The following HTR2A variants were observed in gnomAD, a reference collection of about 807,000 sequenced individuals.
HTR2A encodes the protein 5-hydroxytryptamine receptor 2A, also known as 5-HT2 receptor.
HTR2A carries 14 observed loss-of-function variants against 31.0 expected under a neutral mutation model. The observed-to-expected ratio is 0.45, with a 90% CI of 0.30 to 0.71. The LOEUF (loss-of-function observed/expected upper bound fraction) is 0.71. Among genes scored for constraint, HTR2A ranks in the 30% least tolerant of loss-of-function variants. The probability of loss-of-function intolerance (pLI) is 0.09; values close to 1 mark genes in which losing one functional copy is unlikely to be tolerated. For synonymous variants in HTR2A, 209 were observed against 225.2 expected (o/e 0.93, Z 0.64); for missense variants, 442 against 573.3 (o/e 0.77, Z 2.34).
chr13:46,875,653 C>T (rs1950902831), intron 3 of HTR2A, among the ~76,000 whole-genome samples: 1 of 152,014 alleles, frequency 6.6e-6, no homozygotes, highest in Non-Finnish European at 1.5e-5. Flanking sequence ...AAAATGCTGC[C>T]TTATGAAATG....
chr13:46,854,899 GT>G (rs1950720191), intron 3 of HTR2A, among the ~76,000 whole-genome samples: 1 of 152,184 alleles, frequency 6.6e-6, no homozygotes, highest in African/African-American at 2.4e-5. Context: ...TCAAGTTAAG[GT>G]TAAGTAAGGT....
At chr13:46,890,924 T>C (rs1447724986) in intron 3 of HTR2A, among the ~76,000 whole-genome samples, 3 of 152,188 alleles carry the variant, frequency 2.0e-5, no homozygotes, top group Non-Finnish European at 4.4e-5. Flanking sequence ...GGGCATTTTA[T>C]GTGTAATTGG....
rs550018005 is a variant in HTR2A, at chr13:46,866,334, C to G, written c.613+26056G>C. On this transcript the variant is annotated intron_variant, in intron 3 of 3. Transcript: ENST00000542664. ...CTCAGCCTGGCCTCGTGGTTCCTCC[C>G]TTCTCTGCCTGCTTCCTGTCCTAGG... Among the ~76,000 whole-genome samples the G allele has an allele frequency of 1.2e-3, 186 of 152,204 alleles. 1 individual carries two copies. The highest frequency in any genetic ancestry group is 4.4e-3 in the African/African-American group (182 of 41,532).
intron 3 of HTR2A, among the ~76,000 whole-genome samples, chr13:46,867,816 G>A (rs1950830038): frequency 6.6e-6 from 1 of 152,208 alleles, no homozygotes; most frequent in Non-Finnish European, 1.5e-5. Flanking sequence ...TGATCCAAGA[G>A]TCTCATGTCT....
At chr13:46,894,170 A>AG (rs1951080050) in intron 2 of HTR2A, among the ~76,000 whole-genome samples, 1 of 151,924 alleles carries the variant, frequency 6.6e-6, no homozygotes, top group Non-Finnish European at 1.5e-5. Flanking sequence ...GGGCTGGGGG[A>AG]GGCTGGAGGA....
At chr13:46,862,702 G>A (rs1430263003) in intron 3 of HTR2A, among the ~76,000 whole-genome samples, 2 of 152,188 alleles carry the variant, frequency 1.3e-5, no homozygotes, top group African/African-American at 4.8e-5. Flanking sequence ...AACTCTAGAA[G>A]TGCCCTCTAG....
intron 3 of HTR2A, among the ~76,000 whole-genome samples, chr13:46,861,441 C>T (rs1045839618): frequency 4.6e-5 from 7 of 152,162 alleles, no homozygotes; most frequent in Admixed American, 2.0e-4. Context: ...AACCCAATTT[C>T]GTTTGAGTGG....
chr13:46,856,606 A>T (rs1361095448), intron 3 of HTR2A, among the ~76,000 whole-genome samples: 1 of 151,954 alleles, frequency 6.6e-6, no homozygotes, highest in Non-Finnish European at 1.5e-5. Context: ...AAAAAAAAAA[A>T]TACAAAAAAA....
At chr13:46,848,428 T>C (rs548896748) in intron 3 of HTR2A, among the ~76,000 whole-genome samples, 48 of 152,334 alleles carry the variant, frequency 3.2e-4, no homozygotes, top group African/African-American at 1.1e-3. Context: ...CAGCTTTCTT[T>C]CACAGTTAAT....
intron 3 of HTR2A, among the ~76,000 whole-genome samples, chr13:46,842,965 G>A (rs1020474755): frequency 3.9e-5 from 6 of 152,246 alleles, no homozygotes; most frequent in African/African-American, 7.2e-5. Context: ...TAAACAATTC[G>A]TAAGTTTTAC....
At chr13:46,860,425 T>C (rs1366713684) in intron 3 of HTR2A, among the ~76,000 whole-genome samples, 1 of 152,104 alleles carries the variant, frequency 6.6e-6, no homozygotes, top group East Asian at 1.9e-4. Context: ...TGTGAACGTG[T>C]TTGTGTCAGG....
Position 46,895,773 on chromosome 13 carries a change from C to T in HTR2A, c.134G>A (p.Trp45Ter). The change falls in exon 2 of 4, where the codon TGG (tryptophan) becomes TAG (stop). Residue 45 changes from tryptophan (W) to a stop codon, truncating the protein, a stop_gained. Coordinates refer to ENST00000542664, the MANE Select transcript of HTR2A (RefSeq NM_000621.5). LOFTEE classifies it high-confidence loss of function. The surrounding 1 kb of genome is among the most constrained non-coding windows in gnomAD (Gnocchi z 4.4). The stretch of plus-strand genomic sequence containing the variant: ...GGTTCGATTTTCAGAGTCGACTGTC[C>T]AGTTAAATGCATCAGAAGTGTTAGC... ...GEANTSDAFNWTVDSENRTNL... is the reference protein window; with the variant it reads ...GEANTSDAFN 6.2e-7 allele frequency: 1 copy of T among 1,614,172 alleles called. No homozygotes were observed. Among genetic ancestry groups the T allele is most frequent in the Non-Finnish European group, 8.5e-7 (1 of 1,180,038 alleles).
intron 3 of HTR2A, among the ~76,000 whole-genome samples, chr13:46,840,284 A>G (rs537750329): frequency 1.4e-4 from 22 of 152,276 alleles, no homozygotes; most frequent in Admixed American, 7.2e-4. Context: ...GGGACTCACT[A>G]TCCTGATACA....
chr13:46,873,414 C>A (rs1289775068), intron 3 of HTR2A, among the ~76,000 whole-genome samples: 3 of 143,354 alleles, frequency 2.1e-5, no homozygotes, highest in Admixed American at 1.4e-4. Flanking sequence ...ACATTCCCAA[C>A]TGTAATATAA....
chr13:46,872,631 A>G (rs1421756707), intron 3 of HTR2A, among the ~76,000 whole-genome samples: 1 of 152,248 alleles, frequency 6.6e-6, no homozygotes, highest in Non-Finnish European at 1.5e-5. Flanking sequence ...GTGTACGTGC[A>G]AAAAGGACAC....
chr13:46,870,188 A>G (rs1466291801), intron 3 of HTR2A, among the ~76,000 whole-genome samples: 3 of 152,192 alleles, frequency 2.0e-5, no homozygotes, highest in African/African-American at 4.8e-5. Context: ...AAGTAAACAT[A>G]CCTGAGATAA....
At chr13:46,857,478 G>A (rs923808530) in intron 3 of HTR2A, among the ~76,000 whole-genome samples, 27 of 152,028 alleles carry the variant, frequency 1.8e-4, no homozygotes, top group African/African-American at 6.0e-4. Flanking sequence ...TTTGATAAGG[G>A]CTCTAATCTC....
chr13:46,875,441 C>T (rs925755961), intron 3 of HTR2A, among the ~76,000 whole-genome samples: 2 of 152,162 alleles, frequency 1.3e-5, no homozygotes, highest in Non-Finnish European at 2.9e-5. Context: ...TTCATCTTTA[C>T]ATCTCACCAT....
At chr13:46,886,760 C>A (rs1951009530) in intron 3 of HTR2A, among the ~76,000 whole-genome samples, 1 of 152,102 alleles carries the variant, frequency 6.6e-6, no homozygotes, top group African/African-American at 2.4e-5. Flanking sequence ...TATGAGCTAC[C>A]TTTCTACTCA....
Sources: gnomAD v4.1 joint callset for allele counts (sites outside exome capture counted in the v4.1 genomes callset) on GRCh38, gnomAD v4.1.1 for gene constraint, Gnocchi (gnomAD v3.1) non-coding constraint, MANE v1.5 for transcripts, NCBI Gene and HGNC (gene_info 2026-07-23, HGNC 2026-07-21) for gene names.